Variants in GSN observed in about 807,000 individuals in gnomAD.
GSN encodes actin-depolymerizing factor.
Under a neutral mutation model 85.7 loss-of-function variants are expected in GSN, and 56 were observed. The ratio of observed to expected loss-of-function variants is 0.65; its 90% CI spans 0.53 to 0.82. GSN has a LOEUF of 0.82. Among genes scored for constraint, GSN ranks in the 40% least tolerant of loss-of-function variants. The pLI is 0.00. For synonymous variants in GSN, 373 were observed against 399.1 expected, an observed-to-expected ratio of 0.93 and a Z score of 0.78; for missense variants, 857 against 979.8, an observed-to-expected ratio of 0.87 and a Z score of 1.67.
intron 14 of GSN, 22 bp from the exon 15 acceptor site, chr9:121,328,869 C>G: frequency 6.2e-7 from 1 of 1,609,322 alleles, no homozygotes; most frequent in Non-Finnish European, 8.5e-7. Flanking sequence ...CCCTTGGCAA[C>G]TGGCGTGGCC....
intron 4 of GSN, among the ~76,000 whole-genome samples, chr9:121,217,632 C>G (rs1421475208): frequency 6.6e-6 from 1 of 151,932 alleles, no homozygotes; most frequent in African/African-American, 2.4e-5. Context: ...TTAATTACCT[C>G]ATTAAAGACC....
At position 121,321,542 on chromosome 9, in the gene GSN, C is replaced by A. The variant is rs577789122; in HGVS notation, c.1325+141C>A. 27 of 704,068 alleles carry A rather than the reference C, an allele frequency of 3.8e-5. No individual in the cohort carries two copies. In the Admixed American group the frequency reaches 6.1e-4, roughly 16 times the overall value. 43.6% of individuals were successfully genotyped at this position (704,068 alleles called of 1,614,324 possible). On this transcript the variant is annotated intron_variant, in intron 11 of 17. Coordinates refer to ENST00000432226, the MANE Select transcript of GSN (RefSeq NM_198252.3). ...AGAGGCTTTTGTCCACAGGGCAACA[C>A]CATTTGCTTATTTCTCCAAACAACT...
chr9:121,274,289 G>A (rs899792561), intron 1 of GSN, among the ~76,000 whole-genome samples: 14 of 152,044 alleles, frequency 9.2e-5, no homozygotes, highest in African/African-American at 3.4e-4. Context: ...ATGCCCACCC[G>A]AGTTTTCATC....
chr9:121,286,531 A>G, intron 2 of GSN: 1 of 1,349,432 alleles, frequency 7.4e-7, no homozygotes, highest in Non-Finnish European at 9.8e-7. Flanking sequence ...TTTATCCTCC[A>G]AGGCTCTGCC....
exon 2 of GSN, chr9:121,209,307 G>T (rs981590324): frequency 6.6e-6 from 1 of 152,126 alleles, no homozygotes; most frequent in Admixed American, 6.6e-5. Flanking sequence ...AATGGATAAA[G>T]CACGGAGAGG....
At chr9:121,250,910 T>TGC (rs1491370518) in intron 6 of GSN, among the ~76,000 whole-genome samples, 3 of 143,944 alleles carry the variant, frequency 2.1e-5, no homozygotes, top group Admixed American at 1.4e-4. Context: ...TGTGTGTGTG[T>TGC]GCTTTGAGAC....
At chr9:121,235,372 C>T (rs1259686570) in intron 5 of GSN, among the ~76,000 whole-genome samples, 1 of 152,196 alleles carries the variant, frequency 6.6e-6, no homozygotes. Context: ...ATTTTAGCTT[C>T]AGCTTGTCCA....
intron 4 of GSN, among the ~76,000 whole-genome samples, chr9:121,230,184 T>C (rs2054359638): frequency 6.6e-6 from 1 of 152,224 alleles, no homozygotes; most frequent in African/African-American, 2.4e-5. Flanking sequence ...GAACCTTCTT[T>C]GTTTTCTGGT....
rs1361723617 is a variant in GSN at position 121,318,170 on chromosome 9, C to G, written c.887-236C>G. Among the ~76,000 whole-genome samples the G allele has an allele frequency of 6.6e-6, 1 of 152,222 alleles. No individual in the cohort carries two copies. Among genetic ancestry groups the G allele is most frequent in the Non-Finnish European group, 1.5e-5 (1 of 68,046 alleles). On this transcript the variant is annotated intron_variant, in intron 8 of 17. Transcript: ENST00000432226. This position sits in a 1 kb window ranked among gnomAD's most constrained non-coding sequence, Gnocchi z 4.3. ...TATGCATAGTTCTAAGCACAAAATA[C>G]ATGCTCACTAAATGGACCACAGTAG...
At chr9:121,259,086 T>C (rs933823970) in intron 6 of GSN, among the ~76,000 whole-genome samples, 1 of 152,230 alleles carries the variant, frequency 6.6e-6, no homozygotes, top group Non-Finnish European at 1.5e-5. Flanking sequence ...ATTCATTCAA[T>C]TCAGTGTGTA....
intron 5 of GSN, among the ~76,000 whole-genome samples, chr9:121,244,771 C>G (rs2054667217): frequency 6.6e-6 from 1 of 152,162 alleles, no homozygotes. Context: ...AATTACTCCA[C>G]TACTATGTGT....
chr9:121,313,580 C>A, intron 6 of GSN: 1 of 358,232 alleles, frequency 2.8e-6, no homozygotes, highest in Non-Finnish European at 5.4e-6. Flanking sequence ...ATCTGTGCCT[C>A]CTGGCCTGGC....
rs1425609945 is a variant in GSN, at chr9:121,332,758, C to T, written c.*155C>T. On this transcript the variant is annotated 3_prime_UTR_variant, in exon 18 of 18. Coordinates refer to ENST00000432226, the MANE Select transcript of GSN (RefSeq NM_198252.3). This position sits in a 1 kb window ranked among gnomAD's most constrained non-coding sequence, Gnocchi z 4.8. ...TTTTTTTACAGTATCCAAAAATAGC[C>T]CTGCAAAAATTCAGAGTCCTTGCAA... is the stretch of plus-strand genomic sequence containing the variant. 1 of 617,338 alleles carries T rather than the reference C, an allele frequency of 1.6e-6. No homozygotes were observed. The highest frequency in any genetic ancestry group is 1.9e-5 in the African/African-American group (1 of 53,774). 38.2% of individuals were successfully genotyped at this position (617,338 alleles called of 1,614,324 possible). A position where few individuals can be genotyped will look rare whatever the true frequency, so the allele number is the denominator to read the frequency against.
At chr9:121,267,002 C>T (rs2055240033), upstream of GSN, among the ~76,000 whole-genome samples, 1 of 152,144 alleles carries the variant, frequency 6.6e-6, no homozygotes, top group South Asian at 2.1e-4. Flanking sequence ...CCCCAGCACC[C>T]GGCAATTACT....
At chr9:121,283,971 A>G in intron 2 of GSN, 1 of 167,070 alleles carries the variant, frequency 6.0e-6, no homozygotes. Flanking sequence ...GTGAGCAGGG[A>G]ATGGAGGAGC....
At chr9:121,328,794 G>A (rs1472419627) in intron 14 of GSN, 97 bp from the exon 15 acceptor site, 4 of 1,286,052 alleles carry the variant, frequency 3.1e-6, no homozygotes, top group Non-Finnish European at 4.5e-6. Context: ...AGGGAGAGCA[G>A]TTGGTTGCGC....
intron 4 of GSN, among the ~76,000 whole-genome samples, chr9:121,216,404 G>A (rs774472402): frequency 7.2e-5 from 11 of 152,266 alleles, no homozygotes; most frequent in East Asian, 5.8e-4. Flanking sequence ...CTCCAGCTAC[G>A]TCTCCACCAC....
intron 4 of GSN, among the ~76,000 whole-genome samples, chr9:121,229,780 G>A (rs189696836): frequency 3.3e-5 from 5 of 152,246 alleles, no homozygotes; most frequent in African/African-American, 1.2e-4. Flanking sequence ...AGTAATTTCT[G>A]GGGAGACACT....
chr9:121,254,698 A>G (rs1376096493), intron 6 of GSN, among the ~76,000 whole-genome samples: 3 of 152,166 alleles, frequency 2.0e-5, no homozygotes, highest in Non-Finnish European at 4.4e-5. Flanking sequence ...ACACGTAGCA[A>G]TATGTTTGTG....
Sources: gnomAD v4.1 joint callset for allele counts (sites outside exome capture counted in the v4.1 genomes callset) on GRCh38, gnomAD v4.1.1 for gene constraint, Gnocchi (gnomAD v3.1) non-coding constraint, MANE v1.5 for transcripts, NCBI Gene and HGNC (gene_info 2026-07-23, HGNC 2026-07-21) for gene names.